The following SORL1 variants were observed in gnomAD, a reference collection of about 807,000 sequenced individuals.
SORL1 encodes sortilin related receptor 1.
A neutral mutation model predicts 273.7 loss-of-function variants in SORL1; 127 were observed. The ratio of observed to expected loss-of-function variants is 0.46; its 90% CI spans 0.40 to 0.54. The LOEUF (loss-of-function observed/expected upper bound fraction) is 0.54. Among genes scored for constraint, SORL1 ranks in the 20% least tolerant of loss-of-function variants. SORL1 has a pLI of 0.00. For missense variants in SORL1, 2,494 were observed against 2,846.1 expected, an observed-to-expected ratio of 0.88 and a Z score of 2.81; for synonymous variants, 1,031 against 1,067.4, an observed-to-expected ratio of 0.97 and a Z score of 0.66.
rs755840943 is a variant in SORL1 at position 121,452,535 on chromosome 11, G to C, written c.204G>C (p.Gly68=). ...TGTGGGCGCGCGGGGATGCCAGGGG[G>C]GCGAGCCGCGCGGACGAGAAGCCGC... ...LRLWARGDAR[G]ASRADEKPLR... Residue 68 remains glycine (G), a synonymous_variant, in exon 1 of 48, where the codon GGG becomes GGC. Coordinates refer to ENST00000260197, the MANE Select transcript of SORL1 (RefSeq NM_003105.6). This position sits in a 1 kb window ranked among gnomAD's most constrained non-coding sequence, Gnocchi z 5.3. 2.7e-6 allele frequency: 4 copies of C among 1,489,588 alleles called. No homozygotes were observed. The South Asian group carries it at 3.8e-5, about 14-fold the overall frequency. The allele number at this position is 1,489,588 out of a possible 1,614,324, so 92.3% of individuals were successfully genotyped here.
chr11:121,570,739 A>G (rs1333216816), intron 23 of SORL1, among the ~76,000 whole-genome samples: 1 of 152,156 alleles, frequency 6.6e-6, no homozygotes, highest in South Asian at 2.1e-4. Flanking sequence ...GATTGTTTTC[A>G]TTGGTTAGTA....
intron 1 of SORL1, among the ~76,000 whole-genome samples, chr11:121,462,773 TG>T (rs1409325144): frequency 6.6e-6 from 1 of 152,064 alleles, no homozygotes; most frequent in East Asian, 1.9e-4. Flanking sequence ...TTTGTAGAGA[TG>T]GGGTTGTGTC....
chr11:121,515,918 A>T (rs553348740), intron 8 of SORL1, among the ~76,000 whole-genome samples: 3 of 152,308 alleles, frequency 2.0e-5, no homozygotes, highest in South Asian at 4.1e-4. Context: ...AAGTGCTGGG[A>T]TTACAGATAT....
Position 121,627,407 on chromosome 11 carries a change from C to A in SORL1, c.6365-148C>A. 1 of 668,088 alleles carries A rather than the reference C, an allele frequency of 1.5e-6. No individual in the cohort carries two copies. Among genetic ancestry groups the A allele is most frequent in the Non-Finnish European group, 2.7e-6 (1 of 376,768 alleles). The allele number at this position is 668,088 out of a possible 1,614,324, so 41.4% of individuals were successfully genotyped here. A position where few individuals can be genotyped will look rare whatever the true frequency, so the allele number is the denominator to read the frequency against. ...AGTGGGGAAGCAATCAGGCATCACG[C>A]ACATGCAGAAACGTCTCACACCAGA... is the stretch of plus-strand genomic sequence containing the variant. On this transcript the variant is annotated intron_variant, in intron 46 of 47. Transcript: ENST00000260197. The surrounding 1 kb of genome is among the most constrained non-coding windows in gnomAD (Gnocchi z 4.9).
intron 29 of SORL1, 72 bp from the exon 30 acceptor site, chr11:121,589,968 A>T: frequency 1.3e-6 from 2 of 1,557,578 alleles, no homozygotes; most frequent in East Asian, 2.3e-5. Context: ...CTGGAGGAGG[A>T]TGCCTAGAGT....
chr11:121,555,487 G>A (rs1469881112), intron 18 of SORL1, among the ~76,000 whole-genome samples, 169 bp downstream of exon 18: 2 of 152,184 alleles, frequency 1.3e-5, no homozygotes, highest in Non-Finnish European at 2.9e-5. Context: ...AGAAAAGGGG[G>A]TAAGTACCTG....
At chr11:121,529,553 A>G (rs1011728228) in intron 11 of SORL1, among the ~76,000 whole-genome samples, 5 of 151,354 alleles carry the variant, frequency 3.3e-5, no homozygotes, top group Non-Finnish European at 7.4e-5. Context: ...TTCGCTTTCA[A>G]CCTATATATG....
intron 40 of SORL1, among the ~76,000 whole-genome samples, chr11:121,613,290 G>C (rs979039256): frequency 6.6e-6 from 1 of 152,186 alleles, no homozygotes; most frequent in Non-Finnish European, 1.5e-5. Flanking sequence ...ACAAACTAAG[G>C]GAGGAGTGGT....
Position 121,612,730 on chromosome 11 carries a change from C to T in SORL1, c.5323-6C>T, listed in dbSNP as rs1212289558. On this transcript the variant is annotated splice_region_variant and splice_polypyrimidine_tract_variant and intron_variant, in intron 39 of 47. Transcript: ENST00000260197. ...TTCATCTAACATGCTTCTTGGTTCT[C>T]GGCAGGTGAATGGCTATGTGGTGAA... 13 of 1,612,120 alleles carry T rather than the reference C, an allele frequency of 8.1e-6. No individual in the cohort carries two copies. The highest frequency in any genetic ancestry group is 4.0e-5 in the African/African-American group (3 of 74,866).
chr11:121,503,296 T>C (rs1174306582), intron 6 of SORL1, among the ~76,000 whole-genome samples: 1 of 152,148 alleles, frequency 6.6e-6, no homozygotes, highest in Non-Finnish European at 1.5e-5. Context: ...TTAAGAGTTA[T>C]GTAGTTTTAG....
intron 3 of SORL1, among the ~76,000 whole-genome samples, chr11:121,485,073 GCGGTGGTTGAAGCTTT>G (rs1861453559): frequency 6.6e-6 from 1 of 152,156 alleles, no homozygotes; most frequent in Non-Finnish European, 1.5e-5. Context: ...GTTCTTAAGG[GCGGTGGTTGAAGCTTT>G]GTGAAAGGAT....
intron 32 of SORL1, among the ~76,000 whole-genome samples, chr11:121,597,459 T>TG (rs1863313618): frequency 6.6e-6 from 1 of 151,854 alleles, no homozygotes; most frequent in African/African-American, 2.4e-5. Context: ...TTTGTTTGTT[T>TG]TTTTTTTTTT....
intron 6 of SORL1, among the ~76,000 whole-genome samples, chr11:121,507,809 G>T (rs1316579918): frequency 1.3e-5 from 2 of 150,792 alleles, no homozygotes; most frequent in African/African-American, 2.4e-5. Flanking sequence ...CTTTTTGTTT[G>T]TGTATAGGCT....
intron 14 of SORL1, among the ~76,000 whole-genome samples, chr11:121,548,685 G>A (rs931201426): frequency 2.6e-5 from 4 of 152,142 alleles, no homozygotes; most frequent in African/African-American, 9.7e-5. Flanking sequence ...TCTTGCCTCA[G>A]CCTCCAGAGT....
At chr11:121,544,375 T>C (rs1020898352) in intron 13 of SORL1, among the ~76,000 whole-genome samples, 4 of 152,194 alleles carry the variant, frequency 2.6e-5, no homozygotes, top group East Asian at 3.9e-4. Flanking sequence ...CCAGAAGACG[T>C]CTCCCTTCTT....
intron 14 of SORL1, among the ~76,000 whole-genome samples, chr11:121,548,280 A>G (rs532730100): frequency 9.2e-5 from 14 of 152,220 alleles, no homozygotes; most frequent in Non-Finnish European, 1.9e-4. Context: ...GTCATGACCT[A>G]TGGTCAAAGA....
chr11:121,580,947 C>T (rs1166164651), intron 25 of SORL1, among the ~76,000 whole-genome samples: 1 of 146,186 alleles, frequency 6.8e-6, no homozygotes, highest in Non-Finnish European at 1.5e-5. Flanking sequence ...GACGGGGTCT[C>T]TGTCGCCCAG....
Position 121,627,747 on chromosome 11 carries a change from TCTC to T in SORL1, c.6561_6563del (p.Ser2188del), listed in dbSNP as rs752281482. ...AGCTCCAGGCTGGGGTCCGCAATCT[TCTC>T]CTCTGGGGATGACCTGGGTAAGTGG... On this transcript the variant is annotated inframe_deletion, in exon 47 of 48. Transcript: ENST00000260197. The surrounding 1 kb of genome is among the most constrained non-coding windows in gnomAD (Gnocchi z 4.9). 6 of 1,613,680 alleles carry T rather than the reference TCTC, an allele frequency of 3.7e-6. No homozygotes were observed. The African/African-American group carries it at 4.0e-5, about 11-fold the overall frequency.
chr11:121,598,466 G>A (rs1863334753), intron 32 of SORL1, among the ~76,000 whole-genome samples: 1 of 152,172 alleles, frequency 6.6e-6, no homozygotes. Context: ...GCACGATGGT[G>A]GGTTCATTGA....
Sources: allele counts gnomAD v4.1 joint callset (sites outside exome capture counted in the v4.1 genomes callset), GRCh38; gene constraint gnomAD v4.1.1; non-coding constraint Gnocchi (gnomAD v3.1); transcripts MANE v1.5; gene names NCBI Gene and HGNC (gene_info 2026-07-23, HGNC 2026-07-21).